KCNQ3: variants seen among roughly 807,000 people sequenced by gnomAD.
The protein encoded by KCNQ3 is potassium voltage-gated channel subfamily Q member 3.
KCNQ3 carries 30 observed loss-of-function variants against 92.5 expected under a neutral mutation model. That is an observed-to-expected ratio of 0.32 (90% confidence interval 0.24 to 0.44). The LOEUF is 0.44. Ranked by LOEUF, KCNQ3 falls within the 20% of genes least tolerant of loss-of-function variation. The pLI, the probability that KCNQ3 is intolerant of heterozygous loss-of-function variation, is 1.00. For synonymous variants in KCNQ3, 450 were observed against 468.8 expected (o/e 0.96, Z 0.52); for missense variants, 913 against 1,140.3 (o/e 0.80, Z 2.87).
intron 1 of KCNQ3, among the ~76,000 whole-genome samples, chr8:132,439,999 T>G (rs537640922): frequency 6.6e-6 from 1 of 152,216 alleles, no homozygotes; most frequent in African/African-American, 2.4e-5. Flanking sequence ...TACAAAGTGG[T>G]GTACTATTTG....
At chr8:132,411,117 T>C (rs980523255) in intron 1 of KCNQ3, among the ~76,000 whole-genome samples, 3 of 152,198 alleles carry the variant, frequency 2.0e-5, no homozygotes, top group Non-Finnish European at 4.4e-5. Flanking sequence ...TGAAAACCCA[T>C]TGTGAGAACC....
At chr8:132,419,471 C>A (rs749949986) in intron 1 of KCNQ3, among the ~76,000 whole-genome samples, 1 of 152,174 alleles carries the variant, frequency 6.6e-6, no homozygotes, top group African/African-American at 2.4e-5. Context: ...CAAAAAACAT[C>A]CAGTGCCTGA....
intron 1 of KCNQ3, among the ~76,000 whole-genome samples, chr8:132,289,281 A>C (rs1816773344): frequency 6.6e-6 from 1 of 152,342 alleles, no homozygotes; most frequent in Non-Finnish European, 1.5e-5. Context: ...AGCACTTCTC[A>C]TACATCATTT....
At chr8:132,324,029 C>T (rs561015685) in intron 1 of KCNQ3, among the ~76,000 whole-genome samples, 28 of 152,306 alleles carry the variant, frequency 1.8e-4, no homozygotes, top group African/African-American at 6.5e-4. Flanking sequence ...ACACTGCTTA[C>T]GGTTTCTCTG....
In KCNQ3 at chr8:132,228,580, A is replaced by G. The variant is rs1311056810; in HGVS notation, c.387-42399T>C. 3.3e-5 allele frequency among the ~76,000 whole-genome samples: 5 copies of G among 152,316 alleles called. No individual in the cohort carries two copies. In the South Asian group the frequency reaches 6.2e-4, roughly 19 times the overall value. On this transcript the variant is annotated intron_variant, in intron 1 of 14. Transcript: ENST00000388996. ...ATGCCCAGAACATAGTGAACACTCAAAAAATACAGTTTTAATTTTTATTGC... is the reference window on the plus strand; with the variant it reads ...ATGCCCAGAACATAGTGAACACTCAGAAAATACAGTTTTAATTTTTATTGC...
Position 132,480,543 on chromosome 8 carries a change from C to T in KCNQ3, c.-11G>A. 2 of 1,253,656 alleles carry T rather than the reference C, an allele frequency of 1.6e-6. No individual in the cohort carries two copies. The highest frequency in any genetic ancestry group is 2.0e-6 in the Non-Finnish European group (2 of 978,242). 77.7% of individuals were successfully genotyped at this position (1,253,656 alleles called of 1,614,324 possible). A position where few individuals can be genotyped will look rare whatever the true frequency, so the allele number is the denominator to read the frequency against. On this transcript the variant is annotated 5_prime_UTR_variant, in exon 1 of 15. Coordinates refer to ENST00000388996, the MANE Select transcript of KCNQ3 (RefSeq NM_004519.4). ...CGCCTTGAGCCCCATCTGCCTCGCC[C>T]CCGCCGGCCGCTTCGCCTTCTCCGC...
intron 1 of KCNQ3, among the ~76,000 whole-genome samples, chr8:132,310,575 C>T (rs916044162): frequency 2.6e-5 from 4 of 152,126 alleles, no homozygotes; most frequent in African/African-American, 9.7e-5. Flanking sequence ...TGCTGCCCTC[C>T]CTGTAAAATG....
chr8:132,179,500 T>C (rs552167195), intron 4 of KCNQ3, among the ~76,000 whole-genome samples: 4 of 152,170 alleles, frequency 2.6e-5, no homozygotes, highest in Non-Finnish European at 5.9e-5. Flanking sequence ...GTGGCAATAG[T>C]GCCTGATTCA....
rs141936074 is a variant in KCNQ3, at chr8:132,408,127, T to C, written c.386+72020A>G. On this transcript the variant is annotated intron_variant, in intron 1 of 14. Coordinates refer to ENST00000388996, the MANE Select transcript of KCNQ3 (RefSeq NM_004519.4). The stretch of plus-strand genomic sequence containing the variant: ...ACGTATCCAATGACTGTAAAAAGTA[T>C]TGTGCAGAATATAAATGTCGGGTAA... 2.5e-3 allele frequency among the ~76,000 whole-genome samples: 376 copies of C among 149,324 alleles called. 5 individuals carry two copies. The highest frequency in any genetic ancestry group is 0.014 in the East Asian group (68 of 4,900).
In KCNQ3 at chr8:132,256,872, C is replaced by A. The variant is rs181503993; in HGVS notation, c.387-70691G>T. Among the ~76,000 whole-genome samples the A allele has an allele frequency of 4.9e-3, 745 of 152,160 alleles. 7 individuals carry two copies. Among genetic ancestry groups the A allele is most frequent in the African/African-American group, 0.017 (721 of 41,514 alleles). ...CACTACAAGAAATATTGAAAGGAGT[C>A]TTTTAGGATGAAAGGAAAGGAAATT... On this transcript the variant is annotated intron_variant, in intron 1 of 14. Transcript: ENST00000388996.
At chr8:132,402,805 C>G (rs759603504) in intron 1 of KCNQ3, among the ~76,000 whole-genome samples, 16 of 152,038 alleles carry the variant, frequency 1.1e-4, no homozygotes, top group Non-Finnish European at 1.8e-4. Flanking sequence ...ATCACGAGGT[C>G]AGGAGATCGA....
rs1824743316 is a variant in KCNQ3 at position 132,128,514 on chromosome 8, T to C, written c.*748A>G. The C allele has an allele frequency of 8.9e-6, 1 of 111,986 alleles. No individual in the cohort carries two copies. The highest frequency in any genetic ancestry group is 2.9e-5 in the African/African-American group (1 of 34,058). 6.9% of individuals were successfully genotyped at this position (111,986 alleles called of 1,614,324 possible). A position where few individuals can be genotyped will look rare whatever the true frequency, so the allele number is the denominator to read the frequency against. On this transcript the variant is annotated 3_prime_UTR_variant, in exon 15 of 15. Transcript: ENST00000388996. ...ACTATTTTAACTTTGTGTATGTGTG[T>C]GTGTGTGTGTGTGTGTGTGTGTGTG...
intron 1 of KCNQ3, among the ~76,000 whole-genome samples, chr8:132,312,275 C>T (rs1369298263): frequency 6.6e-6 from 1 of 152,224 alleles, no homozygotes; most frequent in Non-Finnish European, 1.5e-5. Flanking sequence ...GGCAGAGGCC[C>T]AGGGTCTGCA....
chr8:132,244,400 G>A (rs899105114), intron 1 of KCNQ3, among the ~76,000 whole-genome samples: 4 of 151,428 alleles, frequency 2.6e-5, no homozygotes, highest in African/African-American at 7.3e-5. Flanking sequence ...GTGAGGGAGA[G>A]AAGGAAAGAG....
intron 1 of KCNQ3, among the ~76,000 whole-genome samples, chr8:132,401,006 G>A (rs1472559056): frequency 2.0e-5 from 3 of 152,224 alleles, no homozygotes; most frequent in Non-Finnish European, 4.4e-5. Context: ...TTCAGGATAA[G>A]CAAGCTGGGA....
chr8:132,413,138 C>T (rs1386762073), intron 1 of KCNQ3, among the ~76,000 whole-genome samples: 2 of 152,246 alleles, frequency 1.3e-5, no homozygotes, highest in Non-Finnish European at 2.9e-5. Context: ...CAATCTATAT[C>T]ATGCAACCAA....
At chr8:132,298,612 T>C (rs1463956323) in intron 1 of KCNQ3, among the ~76,000 whole-genome samples, 1 of 152,188 alleles carries the variant, frequency 6.6e-6, no homozygotes, top group Non-Finnish European at 1.5e-5. Context: ...AGTTTATGAT[T>C]TACACATGTA....
Position 132,170,406 on chromosome 8 carries a change from G to A in KCNQ3, c.1163C>T (p.Thr388Ile), listed in dbSNP as rs373234528. Residue 388 changes from threonine to isoleucine, a missense_variant, in exon 8 of 15, where the codon ACC (threonine) becomes ATC (isoleucine). By Grantham distance (89) the Thr-to-Ile change is moderately conservative. Around this residue, in one of 6 missense-constraint regions of KCNQ3, gnomAD observed 52 missense variants for 127.7 expected, o/e 0.41. Transcript: ENST00000388996. ...LIQAAWRYYA[T>I]NPNRIDLVAT... is the part of the protein sequence containing the mutation. ...CACCAGGTCAATCCTGTTGGGGTTGGTAGCATAATACCTCCAGGCAGCCTG... is the reference window on the plus strand; with the variant it reads ...CACCAGGTCAATCCTGTTGGGGTTGATAGCATAATACCTCCAGGCAGCCTG... The A allele has an allele frequency of 1.9e-6, 3 of 1,613,604 alleles. No homozygotes were observed. In the African/African-American group the frequency reaches 4.0e-5, roughly 22 times the overall value.
chr8:132,398,188 C>G (rs542248448), intron 1 of KCNQ3, among the ~76,000 whole-genome samples: 6 of 152,262 alleles, frequency 3.9e-5, no homozygotes, highest in African/African-American at 1.4e-4. Flanking sequence ...AAAATTTAAT[C>G]TTCACTCTCT....
Sources: gnomAD v4.1 joint callset for allele counts (sites outside exome capture counted in the v4.1 genomes callset) on GRCh38, gnomAD v4.1.1 for gene constraint, gnomAD v4.1.1 regional missense constraint, MANE v1.5 for transcripts, NCBI Gene and HGNC (gene_info 2026-07-23, HGNC 2026-07-21) for gene names.